The following SPANXN4 variants were observed in gnomAD, a reference collection of about 807,000 sequenced individuals.
SPANXN4 encodes sperm protein associated with the nucleus on the X chromosome N4.
In SPANXN4, 5 loss-of-function variants were observed where a neutral mutation model predicts 6.0. The observed-to-expected ratio is 0.83, with a 90% CI of 0.44 to 1.75. The LOEUF is 1.75. SPANXN4 is among the 40% of genes most tolerant of loss of function. The pLI is 0.02. For synonymous variants in SPANXN4, 45 were observed against 38.0 expected (o/e 1.19, Z -0.68); for missense variants, 157 against 108.6 (o/e 1.45, Z -1.98).
At chrX:143,034,800 G>A (rs888179377), downstream of SPANXN4, 135 of 994,476 alleles carry the variant, frequency 1.4e-4, no homozygotes, top group Non-Finnish European at 1.6e-4. Context: ...ATACTAGGGC[G>A]CTTGTTAAGA....
chrX:143,026,123 A>T, intron 1 of SPANXN4, 31 bp downstream of exon 1: 1 of 1,162,984 alleles, frequency 8.6e-7, no homozygotes, highest in Non-Finnish European at 1.2e-6. Context: ...AGGGAAGGTG[A>T]GGGTGAAAGA....
chrX:143,031,412 TG>T (rs927295197), intron 1 of SPANXN4, among the ~76,000 whole-genome samples: 2 of 108,817 alleles, frequency 1.8e-5, no homozygotes, highest in Admixed American at 9.8e-5. Context: ...GGTAGGGGGG[TG>T]GGGGCAGACT....
In SPANXN4 at chrX:143,034,160, C is replaced by G. The variant is rs922437756; in HGVS notation, c.211C>G (p.Pro71Ala). 4.2e-6 allele frequency: 5 copies of G among 1,179,631 alleles called. No homozygotes were observed. The highest frequency in any genetic ancestry group is 3.5e-5 in the African/African-American group (2 of 56,375). ...TTCAAATCAACTGGAGAATAACCAGCCTACAGAGAGCTCCACTGATCCAAT... is the reference window on the plus strand; with the variant it reads ...TTCAAATCAACTGGAGAATAACCAGGCTACAGAGAGCTCCACTGATCCAAT... The change falls in exon 2 of 3, where the codon CCT (proline) becomes GCT (alanine). Residue 71 changes from proline (P) to alanine (A), a missense_variant. Transcript: ENST00000370504.
chrX:143,032,808 C>T (rs1932818592), intron 1 of SPANXN4, among the ~76,000 whole-genome samples: 1 of 110,875 alleles, frequency 9.0e-6, no homozygotes, highest in African/African-American at 3.3e-5. Flanking sequence ...AGTTAATATC[C>T]CAGAAAAGAG....
intron 1 of SPANXN4, among the ~76,000 whole-genome samples, chrX:143,031,318 A>G (rs1932808483): frequency 9.0e-6 from 1 of 110,840 alleles, no homozygotes; most frequent in Admixed American, 9.6e-5. Flanking sequence ...GTAAAACTGA[A>G]TAACTATCCC....
downstream of SPANXN4, among the ~76,000 whole-genome samples, chrX:143,035,754 G>T (rs1181904693): frequency 9.1e-6 from 1 of 109,610 alleles, no homozygotes; most frequent in East Asian, 2.9e-4. Context: ...AAAATGATTA[G>T]CATACCTCTC....
At chrX:143,031,219 T>A (rs376264355) in intron 1 of SPANXN4, among the ~76,000 whole-genome samples, 5 of 110,929 alleles carry the variant, frequency 4.5e-5, no homozygotes, top group African/African-American at 1.6e-4. Context: ...GATTGTATAA[T>A]AAAGGACCAG....
chrX:143,027,183 A>G (rs1030882106), intron 1 of SPANXN4, among the ~76,000 whole-genome samples: 2 of 112,104 alleles, frequency 1.8e-5, no homozygotes, highest in Non-Finnish European at 3.8e-5. Flanking sequence ...CTTTGTTTTA[A>G]CTTTTATGCT....
At chrX:143,033,832 G>C (rs867434344) in intron 1 of SPANXN4, among the ~76,000 whole-genome samples, 193 bp from the exon 2 acceptor site, 3 of 111,389 alleles carry the variant, frequency 2.7e-5, no homozygotes, top group East Asian at 2.9e-4. Context: ...GCAGTTTGGA[G>C]TAACACAGAT....
chrX:143,034,303 A>C (rs1298945323), intron 2 of SPANXN4: 1 of 1,082,301 alleles, frequency 9.2e-7, no homozygotes, highest in Non-Finnish European at 1.2e-6. Context: ...AATCAGTTTG[A>C]GGAGCTGATG....
At chrX:143,031,679 G>A (rs957258590) in intron 1 of SPANXN4, among the ~76,000 whole-genome samples, 2 of 111,730 alleles carry the variant, frequency 1.8e-5, no homozygotes, top group African/African-American at 3.3e-5. Flanking sequence ...CCAGCATTTG[G>A]TATTTAGCCT....
rs1003773237 is a variant in SPANXN4 at position 143,034,316 on chromosome X, T to G, written c.283+84T>G. 2 of 1,046,760 alleles carry G rather than the reference T, an allele frequency of 1.9e-6. No homozygotes were observed. The highest frequency in any genetic ancestry group is 2.5e-6 in the Non-Finnish European group (2 of 785,043). 86.3% of individuals were successfully genotyped at this position (1,046,760 alleles called of 1,213,427 possible). ...AAAATCAGTTTGAGGAGCTGATGAC[T>G]GTGTATACCTCTGCCTTTTTTTCTG... is the stretch of plus-strand genomic sequence containing the variant. On this transcript the variant is annotated intron_variant, in intron 2 of 2. Coordinates refer to ENST00000370504, the Ensembl canonical transcript of SPANXN4.
At chrX:143,034,238 C>T (rs1932830581) in intron 2 of SPANXN4, 2 of 1,163,790 alleles carry the variant, frequency 1.7e-6, no homozygotes, top group African/African-American at 3.6e-5. Context: ...GGATGGTGGG[C>T]AGAATTAGTC....
At chrX:143,035,897 T>C (rs1050513422), downstream of SPANXN4, among the ~76,000 whole-genome samples, 2 of 107,745 alleles carry the variant, frequency 1.9e-5, no homozygotes, top group Non-Finnish European at 3.8e-5. Flanking sequence ...ATATCTGGTA[T>C]TTTGTATCCT....
At chrX:143,027,663 G>C (rs972028131) in intron 1 of SPANXN4, among the ~76,000 whole-genome samples, 1 of 111,332 alleles carries the variant, frequency 9.0e-6, no homozygotes, top group Admixed American at 9.6e-5. Flanking sequence ...GGTTTACGTG[G>C]CCAGTTTGAA....
At chrX:143,026,735 T>C (rs1162122797) in intron 1 of SPANXN4, among the ~76,000 whole-genome samples, 1 of 110,922 alleles carries the variant, frequency 9.0e-6, no homozygotes, top group Non-Finnish European at 1.9e-5. Context: ...TATCAATGTG[T>C]TGCTGGGTGG....
chrX:143,028,718 G>T (rs1932791827), intron 1 of SPANXN4, among the ~76,000 whole-genome samples: 1 of 111,156 alleles, frequency 9.0e-6, no homozygotes, highest in Admixed American at 9.6e-5. Flanking sequence ...GGAATCATTT[G>T]TTGGGAGGCA....
At chrX:143,030,180 T>G (rs1199449696) in intron 1 of SPANXN4, among the ~76,000 whole-genome samples, 1 of 110,424 alleles carries the variant, frequency 9.1e-6, no homozygotes, top group Non-Finnish European at 1.9e-5. Context: ...CAGCTGGAAG[T>G]ATCCCACAAG....
At chrX:143,034,150 G>A in exon 2 of SPANXN4, 3 of 1,180,933 alleles carry the variant, frequency 2.5e-6, no homozygotes, top group South Asian at 1.9e-5. Context: ...ATCAACTGGA[G>A]AATAACCAGC....
Sources: allele counts gnomAD v4.1 joint callset (sites outside exome capture counted in the v4.1 genomes callset), GRCh38; gene constraint gnomAD v4.1.1; transcripts MANE v1.5; gene names NCBI Gene and HGNC (gene_info 2026-07-23, HGNC 2026-07-21).